ADARB2: variants seen among roughly 807,000 people sequenced by gnomAD.
ADARB2 encodes inactive double-stranded RNA-specific editase B2.
In ADARB2, 25 loss-of-function variants were observed where a neutral mutation model predicts 62.2. The observed-to-expected ratio is 0.40, with a 90% CI of 0.29 to 0.56. The LOEUF is 0.56. Among genes scored for constraint, ADARB2 ranks in the 20% least tolerant of loss-of-function variants. The pLI is 0.43. For missense variants in ADARB2, 1,071 were observed against 1,077.4 expected (o/e 0.99, Z 0.08); for synonymous variants, 572 against 500.8 (o/e 1.14, Z -1.90).
At chr10:1,205,727 C>A (rs1176410701) in intron 7 of ADARB2, among the ~76,000 whole-genome samples, 1 of 152,286 alleles carries the variant, frequency 6.6e-6, no homozygotes, top group Non-Finnish European at 1.5e-5. Flanking sequence ...ACCTTGGCTT[C>A]CAGCCTCCAG....
At chr10:1,195,997 G>A (rs764839583) in intron 8 of ADARB2, among the ~76,000 whole-genome samples, 1 of 152,200 alleles carries the variant, frequency 6.6e-6, no homozygotes, top group East Asian at 1.9e-4. Flanking sequence ...GAGGAAGCCC[G>A]CTGCAGCCTT....
chr10:1,651,080 C>T (rs534271182), intron 1 of ADARB2, among the ~76,000 whole-genome samples: 1 of 152,342 alleles, frequency 6.6e-6, no homozygotes, highest in East Asian at 1.9e-4. Flanking sequence ...AGACAGACGG[C>T]CCGGCTTCTG....
chr10:1,538,599 G>A (rs148911283), intron 1 of ADARB2, among the ~76,000 whole-genome samples: 188 of 152,328 alleles, frequency 1.2e-3, no homozygotes, highest in Non-Finnish European at 2.2e-3. Flanking sequence ...GAGGCCACAG[G>A]GCACTTGGAG....
intron 3 of ADARB2, among the ~76,000 whole-genome samples, chr10:1,301,942 G>A (rs916254355): frequency 1.3e-5 from 2 of 152,076 alleles, no homozygotes; most frequent in Admixed American, 6.5e-5. Context: ...TGGAGCCCAC[G>A]GTTCACAGGA....
intron 1 of ADARB2, among the ~76,000 whole-genome samples, chr10:1,491,141 T>C (rs1228403745): frequency 6.6e-6 from 1 of 152,218 alleles, no homozygotes; most frequent in East Asian, 1.9e-4. Context: ...GGCATGATCA[T>C]GGCTCACACA....
chr10:1,620,122 T>G (rs1833689541), intron 1 of ADARB2, among the ~76,000 whole-genome samples: 1 of 152,082 alleles, frequency 6.6e-6, no homozygotes, highest in Non-Finnish European at 1.5e-5. Context: ...TAAGCTTCCA[T>G]GTGAATATAG....
intron 3 of ADARB2, among the ~76,000 whole-genome samples, chr10:1,354,113 G>A (rs1213807945): frequency 6.6e-6 from 1 of 152,014 alleles, no homozygotes; most frequent in Admixed American, 6.6e-5. Flanking sequence ...AAGCAGCCCT[G>A]AGAAACATCG....
At chr10:1,674,721 T>A (rs1834439600) in intron 1 of ADARB2, among the ~76,000 whole-genome samples, 2 of 152,172 alleles carry the variant, frequency 1.3e-5, no homozygotes, top group Admixed American at 1.3e-4. Flanking sequence ...TCATCAACTG[T>A]AAGTGAGTAA....
chr10:1,215,058 T>TGCAGGG (rs1837214776), intron 7 of ADARB2, among the ~76,000 whole-genome samples: 1 of 103,520 alleles, frequency 9.7e-6, no homozygotes, highest in African/African-American at 3.8e-5. Context: ...TGTAGGGGCC[T>TGCAGGG]GCAGGGGCGG....
chr10:1,244,587 C>T (rs74955117), intron 4 of ADARB2, among the ~76,000 whole-genome samples: 3,871 of 152,316 alleles, frequency 0.025, 60 homozygotes, highest in Middle Eastern at 0.048. Context: ...ATTCAGTTTT[C>T]ATGATTCTCA....
chr10:1,463,771 G>A (rs1190497287), intron 1 of ADARB2, among the ~76,000 whole-genome samples: 1 of 152,154 alleles, frequency 6.6e-6, no homozygotes, highest in Non-Finnish European at 1.5e-5. Flanking sequence ...GAAAATATTT[G>A]CAAATCACAC....
intron 1 of ADARB2, among the ~76,000 whole-genome samples, chr10:1,391,246 G>C (rs1294927654): frequency 6.7e-6 from 1 of 150,024 alleles, no homozygotes; most frequent in African/African-American, 2.5e-5. Flanking sequence ...ACAACCAATA[G>C]GCGATGTCTG....
At chr10:1,614,342 AGGCAAAGCAAAAACATTT>A (rs1833605087) in intron 1 of ADARB2, among the ~76,000 whole-genome samples, 1 of 152,244 alleles carries the variant, frequency 6.6e-6, no homozygotes, top group South Asian at 2.1e-4. Flanking sequence ...CTTTTAAACT[AGGCAAAGCAAAAACATTT>A]GGCTACATCA....
intron 1 of ADARB2, among the ~76,000 whole-genome samples, chr10:1,453,972 T>C (rs1831068095): frequency 6.6e-6 from 1 of 152,230 alleles, no homozygotes; most frequent in Non-Finnish European, 1.5e-5. Flanking sequence ...GCAATTCTTC[T>C]AGTTATATAG....
chr10:1,703,295 G>A (rs530676799), intron 1 of ADARB2, among the ~76,000 whole-genome samples: 1 of 152,142 alleles, frequency 6.6e-6, no homozygotes, highest in Non-Finnish European at 1.5e-5. Flanking sequence ...ACCTGATGAG[G>A]AGGGTGACAT....
At chr10:1,275,753 A>G (rs2490941) in intron 3 of ADARB2, among the ~76,000 whole-genome samples, 82,563 of 149,352 alleles carry the variant, frequency 0.55, 22,997 homozygotes, top group South Asian at 0.77. Context: ...GAGAACATGC[A>G]GTGTTTGGTC....
intron 3 of ADARB2, among the ~76,000 whole-genome samples, chr10:1,293,203 AGAG>A (rs1564248773): frequency 2.0e-5 from 1 of 49,732 alleles, no homozygotes; most frequent in Non-Finnish European, 5.2e-5. Flanking sequence ...AATAGAAAAA[AGAG>A]GGAGGGAGGG....
intron 3 of ADARB2, among the ~76,000 whole-genome samples, chr10:1,286,018 G>GCCCCGAGTCCCCAGGCTCCTTT (rs1831409666): frequency 7.4e-6 from 1 of 135,548 alleles, no homozygotes; most frequent in Non-Finnish European, 1.6e-5. Context: ...CAGGACCGTT[G>GCCCCGAGTCCCCAGGCTCCTTT]CCCCGAGTCC....
chr10:1,378,335 T>C (rs1056456393), intron 2 of ADARB2, among the ~76,000 whole-genome samples: 6 of 152,174 alleles, frequency 3.9e-5, no homozygotes, highest in African/African-American at 1.4e-4. Context: ...TACCCAGCCC[T>C]TTCCTTGTTA....
Sources: gnomAD v4.1 joint callset for allele counts (sites outside exome capture counted in the v4.1 genomes callset) on GRCh38, gnomAD v4.1.1 for gene constraint, MANE v1.5 for transcripts, NCBI Gene and HGNC (gene_info 2026-07-23, HGNC 2026-07-21) for gene names.